The following TBC1D2 variants were observed in gnomAD, a reference collection of about 807,000 sequenced individuals.
The protein encoded by TBC1D2 is TBC1 domain family member 2A.
Under a neutral mutation model 91.1 loss-of-function variants are expected in TBC1D2, and 58 were observed. The observed-to-expected ratio is 0.64, with a 90% confidence interval of 0.52 to 0.79. The LOEUF is 0.79. Ranked by LOEUF, TBC1D2 falls within the 30% of genes least tolerant of loss-of-function variation. The pLI, the probability that TBC1D2 is intolerant of heterozygous loss-of-function variation, is 0.00. For missense variants in TBC1D2, 1,080 were observed against 1,208.3 expected (o/e 0.89, Z 1.57); for synonymous variants, 482 against 511.5 (o/e 0.94, Z 0.78).
chr9:98,250,376 G>A (rs1829847617), intron 2 of TBC1D2, among the ~76,000 whole-genome samples: 1 of 152,158 alleles, frequency 6.6e-6, no homozygotes, highest in African/African-American at 2.4e-5. Flanking sequence ...GCAGAGAAGG[G>A]GATGGGTTCT....
At chr9:98,202,770 G>C (rs1480781797) in intron 10 of TBC1D2, among the ~76,000 whole-genome samples, 3 of 152,234 alleles carry the variant, frequency 2.0e-5, no homozygotes, top group Non-Finnish European at 2.9e-5. Flanking sequence ...ATGGAAAAAA[G>C]GGTCATATAA....
At position 98,255,137 on chromosome 9, in the gene TBC1D2, G is replaced by A. The variant is rs369525092; in HGVS notation, c.369+36C>T. 1.7e-5 allele frequency: 26 copies of A among 1,570,818 alleles called. No homozygotes were observed. In the African/African-American group the frequency reaches 2.8e-4, roughly 17 times the overall value. On this transcript the variant is annotated intron_variant, in intron 1 of 12. Coordinates refer to ENST00000465784, the MANE Select transcript of TBC1D2 (RefSeq NM_001267571.2). ...TTGCCCTGCGAAAAGGGGACCTCACGCCGCTGGAAAGGAGAAAGTCGTTGC... is the reference window on the plus strand; with the variant it reads ...TTGCCCTGCGAAAAGGGGACCTCACACCGCTGGAAAGGAGAAAGTCGTTGC...
intron 1 of TBC1D2, among the ~76,000 whole-genome samples, chr9:98,252,287 G>C (rs907829582): frequency 6.6e-6 from 1 of 152,236 alleles, no homozygotes; most frequent in Non-Finnish European, 1.5e-5. Flanking sequence ...CGCTGTGAGA[G>C]GGGGAGGTGC....
intron 3 of TBC1D2, among the ~76,000 whole-genome samples, chr9:98,236,260 G>A (rs539824084): frequency 6.6e-6 from 1 of 151,790 alleles, no homozygotes; most frequent in Non-Finnish European, 1.5e-5. Flanking sequence ...GTCTCACTCT[G>A]TCACCCAGGC....
chr9:98,227,646 G>A (rs552669612), intron 5 of TBC1D2, among the ~76,000 whole-genome samples: 11 of 152,140 alleles, frequency 7.2e-5, no homozygotes, highest in African/African-American at 2.7e-4. Flanking sequence ...GCTGGGCATG[G>A]TGGCAGGTGC....
chr9:98,223,038 G>A (rs1284539119), intron 5 of TBC1D2, among the ~76,000 whole-genome samples: 1 of 152,224 alleles, frequency 6.6e-6, no homozygotes, highest in Non-Finnish European at 1.5e-5. Flanking sequence ...CCGTGGCCCA[G>A]AGAGGGAGTG....
intron 6 of TBC1D2, among the ~76,000 whole-genome samples, chr9:98,216,290 G>A (rs1387251422): frequency 6.6e-6 from 1 of 152,124 alleles, no homozygotes; most frequent in African/African-American, 2.4e-5. Flanking sequence ...ATGACAGCTC[G>A]AGAGCTACTA....
chr9:98,207,674 C>T (rs936093224), intron 9 of TBC1D2, among the ~76,000 whole-genome samples: 6 of 152,202 alleles, frequency 3.9e-5, no homozygotes, highest in African/African-American at 9.7e-5. Context: ...CTAACAGCTT[C>T]GATGGTCCCT....
At position 98,221,228 on chromosome 9, in the gene TBC1D2, C is replaced by A; in HGVS notation, c.979G>T (p.Glu327Ter). 1 of 1,534,338 alleles carries A rather than the reference C, an allele frequency of 6.5e-7. No homozygotes were observed. Among genetic ancestry groups the A allele is most frequent in the South Asian group, 1.2e-5 (1 of 82,204 alleles). ...MLTKELKSQKELVKILHKALE... is the reference protein window; with the variant it reads ...MLTKELKSQK Reference sequence around the variant, plus strand: ...GCCTTGTGCAGGATCTTCACTAGCTCCTGGGCAGGGAGAGGGAAGAATCTT... The same window carrying A: ...GCCTTGTGCAGGATCTTCACTAGCTACTGGGCAGGGAGAGGGAAGAATCTT... The change falls in exon 6 of 13, where the codon GAG (glutamate) becomes TAG (stop). Residue 327 changes from glutamate (E) to a stop codon, truncating the protein, a stop_gained and splice_region_variant. Transcript: ENST00000465784. LOFTEE classifies it high-confidence loss of function.
At chr9:98,239,281 G>C (rs1354314756) in intron 3 of TBC1D2, among the ~76,000 whole-genome samples, 1 of 152,010 alleles carries the variant, frequency 6.6e-6, no homozygotes, top group Non-Finnish European at 1.5e-5. Flanking sequence ...TCAAACTCCT[G>C]GCCTCAACCA....
chr9:98,208,407 TA>T (rs757742714), intron 9 of TBC1D2, among the ~76,000 whole-genome samples: 6 of 152,168 alleles, frequency 3.9e-5, no homozygotes, highest in Non-Finnish European at 7.3e-5. Flanking sequence ...CATCAGGCAT[TA>T]GATTCTCATA....
chr9:98,240,496 G>T (rs921460328), intron 3 of TBC1D2, among the ~76,000 whole-genome samples: 11 of 152,142 alleles, frequency 7.2e-5, no homozygotes, highest in African/African-American at 2.7e-4. Flanking sequence ...TATTTACTGA[G>T]CATCACTTTA....
intron 3 of TBC1D2, among the ~76,000 whole-genome samples, chr9:98,236,971 G>A (rs145701327): frequency 1.3e-4 from 20 of 151,596 alleles, no homozygotes; most frequent in Admixed American, 1.1e-3. Flanking sequence ...TCATGGGGTT[G>A]GGAATTGATT....
chr9:98,222,346 G>C (rs966863901), intron 5 of TBC1D2, among the ~76,000 whole-genome samples: 3 of 152,124 alleles, frequency 2.0e-5, no homozygotes, highest in African/African-American at 4.8e-5. Context: ...GGTTAAAGAG[G>C]AAATACACTG....
chr9:98,207,431 G>A lies in TBC1D2; in HGVS notation c.2150+1237C>T, dbSNP rs190438780. Among the ~76,000 whole-genome samples, 45 of 152,332 alleles carry A rather than the reference G, an allele frequency of 3.0e-4. No homozygotes were observed. The East Asian group carries it at 7.1e-3, about 24-fold the overall frequency. ...CTACTGAAATAGCTGGGGCTGGAGCGGGGGGATGACAGTCCCTCACAGTCT... is the reference window on the plus strand; with the variant it reads ...CTACTGAAATAGCTGGGGCTGGAGCAGGGGGATGACAGTCCCTCACAGTCT... On this transcript the variant is annotated intron_variant, in intron 9 of 12. Transcript: ENST00000465784.
rs1323409469 is a variant in TBC1D2 at position 98,255,297 on chromosome 9, C to A, written c.245G>T (p.Arg82Leu). The A allele has an allele frequency of 6.2e-7, 1 of 1,614,220 alleles. No individual in the cohort carries two copies. Among genetic ancestry groups the A allele is most frequent in the South Asian group, 1.1e-5 (1 of 91,082 alleles). The change falls in exon 1 of 13, where the codon CGG (arginine) becomes CTG (leucine). Residue 82 changes from arginine to leucine, a missense_variant. Transcript: ENST00000465784. ...DERKCQLYYS[R>L]TAQDANPLDS... ...CAAGGGATTGGCATCCTGAGCGGTC[C>A]GCGAGTAATACAGCTGACATTTCCT...
chr9:98,215,729 C>T (rs771156747), intron 6 of TBC1D2, among the ~76,000 whole-genome samples: 2 of 152,160 alleles, frequency 1.3e-5, no homozygotes, highest in African/African-American at 2.4e-5. Flanking sequence ...TGTTTTCAAA[C>T]TCCTGGCCTC....
chr9:98,254,050 G>C (rs1829924943), intron 1 of TBC1D2, among the ~76,000 whole-genome samples: 1 of 152,168 alleles, frequency 6.6e-6, no homozygotes, highest in African/African-American at 2.4e-5. Context: ...GGATTCCTGA[G>C]TTTCATTATT....
At chr9:98,243,960 G>A in intron 3 of TBC1D2, 34 bp downstream of exon 3, 1 of 1,582,656 alleles carries the variant, frequency 6.3e-7, no homozygotes, top group Non-Finnish European at 8.6e-7. Flanking sequence ...GCTGCCTGCA[G>A]CTTGGCTAGC....
Sources: allele counts gnomAD v4.1 joint callset (sites outside exome capture counted in the v4.1 genomes callset), GRCh38; gene constraint gnomAD v4.1.1; transcripts MANE v1.5; gene names NCBI Gene and HGNC (gene_info 2026-07-23, HGNC 2026-07-21).